Variants in MTHFD2L observed in about 807,000 individuals in gnomAD.
MTHFD2L encodes the protein methylenetetrahydrofolate dehydrogenase (NADP+ dependent) 2 like.
Under a neutral mutation model 34.9 loss-of-function variants are expected in MTHFD2L, and 29 were observed. That is an observed-to-expected ratio of 0.83 (90% CI 0.62 to 1.13). The LOEUF (loss-of-function observed/expected upper bound fraction) is 1.13. MTHFD2L is among the 50% of genes most tolerant of loss of function. The pLI is 0.00. For missense variants in MTHFD2L, 481 were observed against 446.5 expected (o/e 1.08, Z -0.70); for synonymous variants, 167 against 155.7 (o/e 1.07, Z -0.54).
chr4:74,116,861 G>A lies in MTHFD2L; in HGVS notation c.-144+2204G>A, dbSNP rs181014317. 1.5e-3 allele frequency among the ~76,000 whole-genome samples: 223 copies of A among 152,268 alleles called. 1 individual carries two copies. Among genetic ancestry groups the A allele is most frequent in the African/African-American group, 4.9e-3 (205 of 41,534 alleles). The stretch of plus-strand genomic sequence containing the variant: ...AGTTTGCACTAGGCATATAGATACC[G>A]TTCTATCTTTCTGGTTCTCCACTTA... On this transcript the variant is annotated intron_variant and NMD_transcript_variant, in intron 2 of 9. Transcript: ENST00000429519.
chr4:74,245,842 G>GT (rs1180323583), intron 6 of MTHFD2L, among the ~76,000 whole-genome samples: 1 of 151,568 alleles, frequency 6.6e-6, no homozygotes, highest in African/African-American at 2.4e-5. Context: ...ATTCCATGGT[G>GT]TATATGTGCC....
chr4:74,255,334 A>T (rs1402579953), intron 6 of MTHFD2L, among the ~76,000 whole-genome samples: 1 of 152,086 alleles, frequency 6.6e-6, no homozygotes, highest in Non-Finnish European at 1.5e-5. Flanking sequence ...CTTCATGGTA[A>T]CCACAAAGAA....
intron 5 of MTHFD2L, 70 bp from the exon 6 acceptor site, chr4:74,225,232 C>T: frequency 8.6e-7 from 1 of 1,156,282 alleles, no homozygotes; most frequent in Non-Finnish European, 1.3e-6. Flanking sequence ...TGAAACTCTT[C>T]TGGATTTAGA....
At chr4:74,232,396 T>C (rs994820028) in intron 6 of MTHFD2L, among the ~76,000 whole-genome samples, 1 of 152,034 alleles carries the variant, frequency 6.6e-6, no homozygotes, top group Non-Finnish European at 1.5e-5. Flanking sequence ...TGAAAGGGAT[T>C]TTTTTCTCTC....
intron 6 of MTHFD2L, chr4:74,241,577 C>T (rs1409641151): frequency 2.2e-6 from 1 of 449,032 alleles, no homozygotes. Context: ...AGAGATTTCA[C>T]CATTTTGCCC....
chr4:74,190,642 T>A, intron 3 of MTHFD2L: 2 of 414,652 alleles, frequency 4.8e-6, no homozygotes, highest in Non-Finnish European at 6.5e-6. Context: ...AAACAACTCT[T>A]AAATAATATT....
intron 1 of MTHFD2L, among the ~76,000 whole-genome samples, chr4:74,171,440 G>GT (rs1240382910): frequency 6.6e-6 from 1 of 151,958 alleles, no homozygotes; most frequent in African/African-American, 2.4e-5. Context: ...TAACGTAACA[G>GT]TTTTTAACGT....
At chr4:74,153,449 AATAATC>A (rs1724064952), upstream of MTHFD2L, among the ~76,000 whole-genome samples, 1 of 152,202 alleles carries the variant, frequency 6.6e-6, no homozygotes, top group Non-Finnish European at 1.5e-5. Flanking sequence ...GAACACTTAA[AATAATC>A]ATGGGAGAAA....
chr4:74,145,559 A>G (rs1456412947), intron 1 of MTHFD2L, among the ~76,000 whole-genome samples: 1 of 152,248 alleles, frequency 6.6e-6, no homozygotes, highest in Non-Finnish European at 1.5e-5. Context: ...TAAGAAAAAA[A>G]TACTTGTTAC....
At chr4:74,150,631 T>A (rs1209352574) in intron 1 of MTHFD2L, among the ~76,000 whole-genome samples, 1 of 152,194 alleles carries the variant, frequency 6.6e-6, no homozygotes, top group African/African-American at 2.4e-5. Context: ...TATATATTAT[T>A]TGCATATTAT....
chr4:74,203,000 TACTTATG>T (rs1470360653), intron 5 of MTHFD2L, among the ~76,000 whole-genome samples: 1 of 152,198 alleles, frequency 6.6e-6, no homozygotes, highest in Non-Finnish European at 1.5e-5. Context: ...ATTGACATGA[TACTTATG>T]ACATAATTTT....
intron 3 of MTHFD2L, among the ~76,000 whole-genome samples, chr4:74,186,809 T>C (rs1006664775): frequency 6.6e-6 from 1 of 152,144 alleles, no homozygotes; most frequent in African/African-American, 2.4e-5. Context: ...TGGGAGAAAC[T>C]GAATAAAATT....
intron 3 of MTHFD2L, among the ~76,000 whole-genome samples, chr4:74,188,734 A>G (rs1184975760): frequency 3.5e-4 from 2 of 5,754 alleles, no homozygotes; most frequent in African/African-American, 7.8e-4. Context: ...ATATGTGTAT[A>G]CATATGTATA....
intron 7 of MTHFD2L, among the ~76,000 whole-genome samples, chr4:74,290,874 A>T (rs767069236): frequency 1.3e-5 from 2 of 151,570 alleles, no homozygotes; most frequent in Non-Finnish European, 2.9e-5. Context: ...GACTCTCCTT[A>T]CAGGTTTAAT....
intron 7 of MTHFD2L, among the ~76,000 whole-genome samples, chr4:74,299,386 T>TAGC (rs1029806642): frequency 2.0e-5 from 3 of 151,352 alleles, no homozygotes; most frequent in South Asian, 2.1e-4. Context: ...TAAGTAGTAG[T>TAGC]AGCAGCAGCA....
At chr4:74,159,996 G>C (rs1725061988) in intron 1 of MTHFD2L, 6 of 1,182,208 alleles carry the variant, frequency 5.1e-6, no homozygotes, top group Non-Finnish European at 6.5e-6. Flanking sequence ...GGTGGGTCTC[G>C]GGTGGGGAGG....
chr4:74,249,155 C>T (rs1445505485), intron 6 of MTHFD2L, among the ~76,000 whole-genome samples: 1 of 150,854 alleles, frequency 6.6e-6, no homozygotes, highest in Admixed American at 6.6e-5. Flanking sequence ...CTTTATGAAT[C>T]TGGGTGCTCC....
At chr4:74,223,198 C>G (rs1041362480) in intron 5 of MTHFD2L, among the ~76,000 whole-genome samples, 1 of 151,746 alleles carries the variant, frequency 6.6e-6, no homozygotes, top group Non-Finnish European at 1.5e-5. Context: ...TAATGGTAGA[C>G]TAGATAAAGA....
chr4:74,241,863 G>C (rs1741766781), intron 6 of MTHFD2L: 1 of 162,376 alleles, frequency 6.2e-6, no homozygotes, highest in Admixed American at 6.3e-5. Flanking sequence ...AGTAAAAAAG[G>C]CAATCTCACA....
Sources: gnomAD v4.1 joint callset for allele counts (sites outside exome capture counted in the v4.1 genomes callset) on GRCh38, gnomAD v4.1.1 for gene constraint, MANE v1.5 for transcripts, NCBI Gene and HGNC (gene_info 2026-07-23, HGNC 2026-07-21) for gene names.